LHCGR: variants seen among roughly 807,000 people sequenced by gnomAD.
LHCGR encodes the protein luteinizing hormone/choriogonadotropin receptor, also known as lutropin-choriogonadotropic hormone receptor.
In LHCGR, 55 loss-of-function variants were observed where a neutral mutation model predicts 60.7. The observed-to-expected ratio is 0.91, with a 90% confidence interval of 0.73 to 1.13. The LOEUF (loss-of-function observed/expected upper bound fraction) is 1.13. LHCGR is among the 50% of genes most tolerant of loss of function. The pLI is 0.00. For missense variants in LHCGR, 862 were observed against 836.0 expected, an observed-to-expected ratio of 1.03 and a Z score of -0.38; for synonymous variants, 337 against 316.5, an observed-to-expected ratio of 1.06 and a Z score of -0.69.
At chr2:48,726,359 T>A (rs1336588758) in intron 3 of LHCGR, among the ~76,000 whole-genome samples, 1 of 152,206 alleles carries the variant, frequency 6.6e-6, no homozygotes, top group Non-Finnish European at 1.5e-5. Flanking sequence ...AAAATTTGTA[T>A]AATAATATTA....
intron 1 of LHCGR, among the ~76,000 whole-genome samples, chr2:48,754,197 C>T (rs912692348): frequency 6.6e-6 from 1 of 152,188 alleles, no homozygotes; most frequent in Non-Finnish European, 1.5e-5. Flanking sequence ...ACCCCTCAAC[C>T]CTTTAACTGT....
rs562962835 is a variant in LHCGR at position 48,723,008 on chromosome 2, G to C, written c.536+448C>G. Among the ~76,000 whole-genome samples the C allele has an allele frequency of 5.3e-5, 8 of 152,274 alleles. No individual in the cohort carries two copies. The East Asian group carries it at 1.5e-3, about 29-fold the overall frequency. ...GAAGCAAAGTGAGAGGGACCCAAGAGGAAGGCGAAAATGAGAGAGACAGAG... is the reference window on the plus strand; with the variant it reads ...GAAGCAAAGTGAGAGGGACCCAAGACGAAGGCGAAAATGAGAGAGACAGAG... On this transcript the variant is annotated intron_variant, in intron 6 of 10. Transcript: ENST00000294954.
At chr2:48,703,981 T>C (rs1667535012) in intron 8 of LHCGR, among the ~76,000 whole-genome samples, 1 of 152,218 alleles carries the variant, frequency 6.6e-6, no homozygotes, top group Non-Finnish European at 1.5e-5. Flanking sequence ...TCAAAGGGAA[T>C]GCTTCCAGTT....
chr2:48,755,545 G>T lies in LHCGR; in HGVS notation c.127C>A (p.Arg43Ser), dbSNP rs1264896201. ...PCNCVPDGAL[R>S]CPGPTAGLTR... ...AGACCGGCCGTGGGGCCGGGGCAGC[G>T]CAGGGCGCCGTCGGGCACGCAGTTG... The change falls in exon 1 of 11, where the codon CGC (arginine) becomes AGC (serine). Residue 43 changes from arginine to serine, a missense_variant. By Grantham distance (110) the Arg-to-Ser change is moderately radical. Transcript: ENST00000294954. 11 of 1,541,642 alleles carry T rather than the reference G, an allele frequency of 7.1e-6. No homozygotes were observed. In the Admixed American group the frequency reaches 2.0e-4, roughly 28 times the overall value.
chr2:48,717,221 C>T (rs1558852852), intron 6 of LHCGR, among the ~76,000 whole-genome samples: 1 of 152,230 alleles, frequency 6.6e-6, no homozygotes, highest in Non-Finnish European at 1.5e-5. Flanking sequence ...GCCCATTATT[C>T]ATCACAGCTG....
chr2:48,694,098 A>G (rs1666998965), intron 10 of LHCGR, 126 bp downstream of exon 10: 3 of 698,616 alleles, frequency 4.3e-6, no homozygotes, highest in African/African-American at 3.6e-5. Flanking sequence ...TTTTAAAACT[A>G]TTAAAAGTTG....
intron 7 of LHCGR, among the ~76,000 whole-genome samples, chr2:48,710,638 C>T (rs115480260): frequency 1.3e-5 from 2 of 152,166 alleles, no homozygotes; most frequent in Non-Finnish European, 2.9e-5. Context: ...GAAGAACCCA[C>T]AAGCTCCGCC....
chr2:48,695,011 T>G (rs761738145), intron 9 of LHCGR, among the ~76,000 whole-genome samples: 7 of 152,170 alleles, frequency 4.6e-5, no homozygotes, highest in Non-Finnish European at 8.8e-5. Flanking sequence ...TCATTGTGGT[T>G]TTGATTTGCA....
intron 1 of LHCGR, among the ~76,000 whole-genome samples, chr2:48,739,201 T>C (rs1669327455): frequency 6.6e-6 from 1 of 152,240 alleles, no homozygotes; most frequent in African/African-American, 2.4e-5. Flanking sequence ...GGAACACTTT[T>C]ACACTGTTGG....
At chr2:48,730,236 T>C (rs938302269) in intron 2 of LHCGR, among the ~76,000 whole-genome samples, 9 of 152,244 alleles carry the variant, frequency 5.9e-5, no homozygotes, top group Non-Finnish European at 8.8e-5. Flanking sequence ...ATCTTATTCC[T>C]ACCTATTGGT....
intron 10 of LHCGR, among the ~76,000 whole-genome samples, chr2:48,689,129 A>G (rs981198985): frequency 6.6e-6 from 1 of 151,172 alleles, no homozygotes; most frequent in African/African-American, 2.4e-5. Context: ...ATATACACAT[A>G]TATACATATG....
At chr2:48,705,587 A>G (rs753832905) in intron 8 of LHCGR, among the ~76,000 whole-genome samples, 7 of 152,190 alleles carry the variant, frequency 4.6e-5, no homozygotes, top group African/African-American at 7.2e-5. Flanking sequence ...TGTTGGGTGC[A>G]TATATATTTA....
At chr2:48,737,325 A>G (rs982656811) in intron 1 of LHCGR, among the ~76,000 whole-genome samples, 1 of 152,258 alleles carries the variant, frequency 6.6e-6, no homozygotes, top group Non-Finnish European at 1.5e-5. Flanking sequence ...AAGGGAAAAA[A>G]GAGAGAAATC....
intron 10 of LHCGR, among the ~76,000 whole-genome samples, chr2:48,693,100 T>A (rs1666939426): frequency 6.6e-6 from 1 of 152,062 alleles, no homozygotes; most frequent in Non-Finnish European, 1.5e-5. Context: ...AAGAATAAAG[T>A]CATGTGGTTG....
chr2:48,709,026 TG>T lies in LHCGR; in HGVS notation c.606-5del. 6.2e-7 allele frequency: 1 copy of T among 1,613,006 alleles called. No homozygotes were observed. On this transcript the variant is annotated splice_polypyrimidine_tract_variant and splice_region_variant and intron_variant, in intron 7 of 10. Coordinates refer to ENST00000294954, the MANE Select transcript of LHCGR (RefSeq NM_000233.4). The stretch of plus-strand genomic sequence containing the variant: ...ATGTACGTTTTCCTTTAGCTCCCTG[TG>T]GGGAAGGATATTGCCCTTAGTGGAG...
At chr2:48,713,162 G>T (rs542504848) in intron 7 of LHCGR, among the ~76,000 whole-genome samples, 1 of 152,112 alleles carries the variant, frequency 6.6e-6, no homozygotes, top group African/African-American at 2.4e-5. Context: ...CAGATTCTTC[G>T]TAGGTGTGTA....
chr2:48,740,073 G>C (rs1286891829), intron 1 of LHCGR, among the ~76,000 whole-genome samples: 2 of 152,200 alleles, frequency 1.3e-5, no homozygotes, highest in South Asian at 4.1e-4. Context: ...TCAAAGAAAG[G>C]GGTGACAGAT....
At chr2:48,716,408 G>A (rs552163891) in intron 6 of LHCGR, among the ~76,000 whole-genome samples, 123 of 152,280 alleles carry the variant, frequency 8.1e-4, no homozygotes, top group Non-Finnish European at 1.4e-3. Flanking sequence ...GCCAGGCACT[G>A]TTCTAGATAC....
chr2:48,704,957 C>T (rs1400136945), intron 8 of LHCGR, among the ~76,000 whole-genome samples: 4 of 152,022 alleles, frequency 2.6e-5, no homozygotes, highest in Non-Finnish European at 5.9e-5. Context: ...GCTCTTGCTT[C>T]TCTAGTTCTT....
Sources: gnomAD v4.1 joint callset for allele counts (sites outside exome capture counted in the v4.1 genomes callset) on GRCh38, gnomAD v4.1.1 for gene constraint, MANE v1.5 for transcripts, NCBI Gene and HGNC (gene_info 2026-07-23, HGNC 2026-07-21) for gene names.